The following NUP153 variants were observed in gnomAD, a reference collection of about 807,000 sequenced individuals.
NUP153 encodes nucleoporin 153.
A neutral mutation model predicts 134.6 loss-of-function variants in NUP153; 27 were observed. The ratio of observed to expected loss-of-function variants is 0.20; its 90% CI spans 0.15 to 0.28. The LOEUF (loss-of-function observed/expected upper bound fraction) is 0.28, where lower values mean the gene tolerates loss of function less well. Among genes scored for constraint, NUP153 ranks in the 10% least tolerant of loss-of-function variants. NUP153 has a pLI of 1.00. For synonymous variants in NUP153, 640 were observed against 623.5 expected (o/e 1.03, Z -0.40); for missense variants, 1,821 against 1,731.3 (o/e 1.05, Z -0.92).
Position 17,626,123 on chromosome 6 carries a change from T to C in NUP153, c.3586A>G (p.Ser1196Gly). The change falls in exon 19 of 22, where the codon AGT becomes GGT. Residue 1196 changes from serine to glycine, a missense_variant. Transcript: ENST00000262077. The stretch of plus-strand genomic sequence containing the variant: ...GCTGGTGTACTTGAACTAGAGGAAC[T>C]GTTGTTCAAGAAACTAAAAACTGGC... ...AKPVFSFLNN[S>G]SSSSSTPATS... The C allele has an allele frequency of 6.2e-7, 1 of 1,613,348 alleles. No individual in the cohort carries two copies. Among genetic ancestry groups the C allele is most frequent in the Non-Finnish European group, 8.5e-7 (1 of 1,180,004 alleles).
intron 18 of NUP153, among the ~76,000 whole-genome samples, chr6:17,627,720 A>G (rs1765016408): frequency 6.6e-6 from 1 of 152,132 alleles, no homozygotes; most frequent in Non-Finnish European, 1.5e-5. Context: ...GAACATTTTC[A>G]CTTTAAGGGC....
intron 1 of NUP153, among the ~76,000 whole-genome samples, chr6:17,690,135 G>C (rs1364472324): frequency 4.0e-5 from 6 of 151,232 alleles, no homozygotes; most frequent in Non-Finnish European, 5.9e-5. Flanking sequence ...AGTGGATCAC[G>C]AGGTCAGGAG....
intron 2 of NUP153, among the ~76,000 whole-genome samples, chr6:17,686,841 A>G (rs1439313798): frequency 7.5e-6 from 1 of 132,772 alleles, no homozygotes; most frequent in Non-Finnish European, 1.6e-5. Context: ...AACAAGATCA[A>G]CCGTGACTTG....
intron 1 of NUP153, among the ~76,000 whole-genome samples, chr6:17,692,016 G>A (rs974835658): frequency 6.6e-6 from 1 of 152,186 alleles, no homozygotes; most frequent in African/African-American, 2.4e-5. Flanking sequence ...GGGACTTCAA[G>A]TAAGGTGTTT....
chr6:17,647,200 T>G (rs773942508), intron 13 of NUP153, among the ~76,000 whole-genome samples: 7 of 152,178 alleles, frequency 4.6e-5, no homozygotes, highest in Non-Finnish European at 8.8e-5. Context: ...AATGACATAT[T>G]AAAATAATAT....
intron 17 of NUP153, among the ~76,000 whole-genome samples, chr6:17,630,678 G>C (rs1765197268): frequency 7.4e-6 from 1 of 135,132 alleles, no homozygotes; most frequent in East Asian, 2.4e-4. Context: ...ATAAAGAAAA[G>C]AAAACAGAGG....
In NUP153 at chr6:17,647,891, A is replaced by G. The variant is rs758208111; in HGVS notation, c.1548T>C (p.Ser516=). The change falls in exon 13 of 22, where the codon TCT becomes TCC. Residue 516 remains serine (S), a synonymous_variant. Coordinates refer to ENST00000262077, the MANE Select transcript of NUP153 (RefSeq NM_005124.4). ...QALTNKVQMT[S]PSSTGSPMFK... is the part of the protein sequence containing the mutation. ...ACATGGGACTGCCAGTGCTGCTCGG[A>G]GAGGTCATTTGTACCTGGTTTTCCA... 2 of 1,611,528 alleles carry G rather than the reference A, an allele frequency of 1.2e-6. No homozygotes were observed. Among genetic ancestry groups the G allele is most frequent in the East Asian group, 2.2e-5 (1 of 44,850 alleles).
chr6:17,629,187 A>G lies in NUP153; in HGVS notation c.3012T>C (p.Asn1004=). The G allele has an allele frequency of 1.2e-6, 2 of 1,613,412 alleles. No homozygotes were observed. The highest frequency in any genetic ancestry group is 1.7e-6 in the Non-Finnish European group (2 of 1,179,888). ...CCTCTTTCTTTTCTTCCTGTCCAAG[A>G]TTAGATACCCCAAATTGAAATGGAG... ...SLTPFQFGVS[N]LGQEEKKEEL... is the part of the protein sequence containing the mutation. The change falls in exon 18 of 22, where the codon AAT becomes AAC. Residue 1004 remains asparagine, a synonymous_variant. Transcript: ENST00000262077.
In NUP153 at chr6:17,669,010, T is replaced by C; in HGVS notation, c.1033A>G (p.Ile345Val). The part of the protein sequence containing the change: ...PLNSPLDRSG[I>V]DITDFQAKRE... ...TTGGCCTGAAAATCTGTGATATCTA[T>C]CCCACTCCTATCAAGAGGCTGAAAA... The change falls in exon 8 of 22, where the codon ATA becomes GTA. Residue 345 changes from isoleucine to valine, a missense_variant. Physicochemically the swap from Ile to Val is conservative, Grantham distance 29 (BLOSUM62 3). Coordinates refer to ENST00000262077, the MANE Select transcript of NUP153 (RefSeq NM_005124.4). 6.9e-7 allele frequency: 1 copy of C among 1,442,494 alleles called. No individual in the cohort carries two copies. The highest frequency in any genetic ancestry group is 9.2e-7 in the Non-Finnish European group (1 of 1,082,690). The allele number at this position is 1,442,494 out of a possible 1,614,324, so 89.4% of individuals were successfully genotyped here.
At chr6:17,689,763 G>A (rs951849435) in intron 1 of NUP153, among the ~76,000 whole-genome samples, 1 of 151,900 alleles carries the variant, frequency 6.6e-6, no homozygotes, top group African/African-American at 2.4e-5. Context: ...GACCTCAGGT[G>A]ATCCGCCCAC....
Position 17,649,224 on chromosome 6 carries a change from G to A in NUP153, c.1472C>T (p.Ser491Phe). 6.2e-7 allele frequency: 1 copy of A among 1,613,828 alleles called. No homozygotes were observed. The highest frequency in any genetic ancestry group is 8.5e-7 in the Non-Finnish European group (1 of 1,179,846). Residue 491 changes from serine (S) to phenylalanine (F), a missense_variant, in exon 12 of 22, where the codon TCC (serine) becomes TTC (phenylalanine). Ser to Phe is a radical substitution (Grantham distance 155, BLOSUM62 -2). Transcript: ENST00000262077. ...TGGAGAGGAAGTTGTGATCTCAGGG[G>A]AACTAAAATTAAAGGTAGGCAGTGA... ...SSSLPTFNFS[S>F]PEITTSSPSP...
At chr6:17,665,655 C>T (rs983574633) in intron 8 of NUP153, among the ~76,000 whole-genome samples, 2 of 152,008 alleles carry the variant, frequency 1.3e-5, no homozygotes, top group South Asian at 2.1e-4. Context: ...ACTTTTCACA[C>T]ACATGCATGC....
chr6:17,676,613 C>T (rs1245956487), intron 2 of NUP153, among the ~76,000 whole-genome samples: 1 of 152,006 alleles, frequency 6.6e-6, no homozygotes, highest in East Asian at 1.9e-4. Flanking sequence ...GGGACCAGAC[C>T]AGTCCTTCTA....
Position 17,676,477 on chromosome 6 carries a change from G to A in NUP153, c.335-707C>T, listed in dbSNP as rs545880602. Among the ~76,000 whole-genome samples, 11 of 151,930 alleles carry A rather than the reference G, an allele frequency of 7.2e-5. No individual in the cohort carries two copies. In the Middle Eastern group the frequency reaches 0.014, roughly 188 times the overall value. ...TGAAGTTACTCCACCCCACCTTCCCGTTATTAAAATATTAAATTATTAAAA... is the reference window on the plus strand; with the variant it reads ...TGAAGTTACTCCACCCCACCTTCCCATTATTAAAATATTAAATTATTAAAA... On this transcript the variant is annotated intron_variant, in intron 2 of 21. Transcript: ENST00000262077.
At chr6:17,661,632 T>C in intron 11 of NUP153, 21 bp downstream of exon 11, 2 of 1,608,904 alleles carry the variant, frequency 1.2e-6, no homozygotes, top group Non-Finnish European at 1.7e-6. Flanking sequence ...ACCTCAAGAG[T>C]ATATGAGTAT....
At position 17,637,184 on chromosome 6, in the gene NUP153, A is replaced by T. The variant is rs755480500; in HGVS notation, c.2433T>A (p.Asn811Lys). The T allele has an allele frequency of 6.2e-7, 1 of 1,613,658 alleles. No individual in the cohort carries two copies. Among genetic ancestry groups the T allele is most frequent in the African/African-American group, 1.3e-5 (1 of 75,038 alleles). ...TCTCAGACATACAGGACACACACTT[A>T]TTGTCTTCTGCATTATTAGAAACAC... ...VCCVSNNAEDNKCVSCMSEKP... is the reference protein window; with the variant it reads ...VCCVSNNAEDKKCVSCMSEKP... Residue 811 changes from asparagine to lysine, a missense_variant, in exon 16 of 22, where the codon AAT becomes AAA. Asn to Lys is a moderately conservative substitution (Grantham distance 94, BLOSUM62 0). Coordinates refer to ENST00000262077, the MANE Select transcript of NUP153 (RefSeq NM_005124.4).
At chr6:17,686,991 A>G (rs2113848688) in intron 2 of NUP153, among the ~76,000 whole-genome samples, 1 of 152,216 alleles carries the variant, frequency 6.6e-6, no homozygotes, top group African/African-American at 2.4e-5. Flanking sequence ...AAGTTATACA[A>G]AAAAGCTTAA....
chr6:17,689,585 G>A (rs1769157310), intron 1 of NUP153, among the ~76,000 whole-genome samples: 1 of 149,132 alleles, frequency 6.7e-6, no homozygotes, highest in Non-Finnish European at 1.5e-5. Flanking sequence ...TGCCCAGGCT[G>A]GAGTGCAACG....
intron 20 of NUP153, among the ~76,000 whole-genome samples, chr6:17,617,465 TAA>T (rs71002233): frequency 7.3e-4 from 77 of 105,750 alleles, no homozygotes; most frequent in South Asian, 2.9e-3. Flanking sequence ...TAGTGGGAAT[TAA>T]AAAAAAAAAA....
Sources: gnomAD v4.1 joint callset for allele counts (sites outside exome capture counted in the v4.1 genomes callset) on GRCh38, gnomAD v4.1.1 for gene constraint, MANE v1.5 for transcripts, NCBI Gene and HGNC (gene_info 2026-07-23, HGNC 2026-07-21) for gene names.